The following RFFL variants were observed in gnomAD, a reference collection of about 807,000 sequenced individuals.
RFFL encodes the protein ring finger and FYVE like domain containing E3 ubiquitin protein ligase.
RFFL carries 16 observed loss-of-function variants against 40.4 expected under a neutral mutation model. The ratio of observed to expected loss-of-function variants is 0.40; its 90% CI spans 0.27 to 0.60. The LOEUF (loss-of-function observed/expected upper bound fraction) is 0.60. RFFL is among the 20% of genes least tolerant of loss of function. The pLI is 0.47. For synonymous variants in RFFL, 154 were observed against 167.9 expected, an observed-to-expected ratio of 0.92 and a Z score of 0.64; for missense variants, 367 against 451.7, an observed-to-expected ratio of 0.81 and a Z score of 1.70.
chr17:35,028,342 CAA>C (rs778044316), intron 1 of RFFL, among the ~76,000 whole-genome samples: 12 of 135,610 alleles, frequency 8.8e-5, no homozygotes, highest in African/African-American at 8.2e-5. Flanking sequence ...GACCTTGTCT[CAA>C]AAAAAAAAAA....
chr17:35,041,910 G>T (rs1169701332), intron 1 of RFFL, among the ~76,000 whole-genome samples: 1 of 152,122 alleles, frequency 6.6e-6, no homozygotes, highest in African/African-American at 2.4e-5. Flanking sequence ...AGCTACTCAG[G>T]AGGCTAAGGG....
chr17:35,021,606 G>A lies in RFFL; in HGVS notation c.356C>T (p.Ser119Phe). 6.2e-7 allele frequency: 1 copy of A among 1,614,232 alleles called. No homozygotes were observed. The highest frequency in any genetic ancestry group is 8.5e-7 in the Non-Finnish European group (1 of 1,180,038). ...LRDYLSLHDISTEMCREKEEL... is the reference protein window; with the variant it reads ...LRDYLSLHDIFTEMCREKEEL... ...TTCTTTCTCCCGGCACATTTCGGTA[G>A]AGATGTCATGGAGGCTGAGATAGTC... is the stretch of plus-strand genomic sequence containing the variant. Residue 119 changes from serine to phenylalanine, a missense_variant, in exon 3 of 7, where the codon TCT (serine) becomes TTT (phenylalanine). Physicochemically the swap from Ser to Phe is radical, Grantham distance 155 (BLOSUM62 -2). Transcript: ENST00000394597.
At chr17:35,055,467 G>A (rs767741308) in intron 1 of RFFL, among the ~76,000 whole-genome samples, 35 of 152,042 alleles carry the variant, frequency 2.3e-4, no homozygotes, top group Non-Finnish European at 4.1e-4. Flanking sequence ...GAGGTCAGGA[G>A]TTTGAGACCA....
chr17:35,070,470 G>A (rs867673452), intron 1 of RFFL, among the ~76,000 whole-genome samples: 3 of 152,084 alleles, frequency 2.0e-5, no homozygotes, highest in Admixed American at 6.6e-5. Context: ...TAAGTTAATC[G>A]TATTAGAAAT....
rs996266940 is a variant in RFFL at position 35,077,376 on chromosome 17, G to A, written c.-9+11729C>T. Among the ~76,000 whole-genome samples the A allele has an allele frequency of 4.6e-5, 7 of 152,258 alleles. No homozygotes were observed. The East Asian group carries it at 7.7e-4, about 17-fold the overall frequency. On this transcript the variant is annotated intron_variant, in intron 1 of 6. Transcript: ENST00000315249. ...GTCAGACTGCTGGAGGCCCATTCACGTCAAGATAAAACACAGAAAATCACA... is the reference window on the plus strand; with the variant it reads ...GTCAGACTGCTGGAGGCCCATTCACATCAAGATAAAACACAGAAAATCACA...
At chr17:35,029,923 T>G (rs1239820536) in intron 1 of RFFL, among the ~76,000 whole-genome samples, 1 of 149,128 alleles carries the variant, frequency 6.7e-6, no homozygotes, top group Non-Finnish European at 1.5e-5. Flanking sequence ...TTCCCACCTA[T>G]GAGCGAGAAC....
chr17:35,053,029 G>C (rs1057044718), intron 1 of RFFL, among the ~76,000 whole-genome samples: 2 of 152,202 alleles, frequency 1.3e-5, no homozygotes, highest in African/African-American at 4.8e-5. Flanking sequence ...GCAATAGCTA[G>C]TGATCCAGAG....
At chr17:35,022,464 C>T (rs1279888954) in intron 2 of RFFL, among the ~76,000 whole-genome samples, 3 of 152,132 alleles carry the variant, frequency 2.0e-5, no homozygotes, top group South Asian at 2.1e-4. Flanking sequence ...ATTCTCAAAG[C>T]GACATTGCAA....
At chr17:35,014,686 G>A in intron 6 of RFFL, 54 bp downstream of exon 6, 1 of 1,530,620 alleles carries the variant, frequency 6.5e-7, no homozygotes, top group Admixed American at 1.7e-5. Flanking sequence ...GGGGTTGAAG[G>A]AGGGGAAGGA....
At position 35,012,031 on chromosome 17, in the gene RFFL, G is replaced by A; in HGVS notation, c.1029C>T (p.Arg343=). Residue 343 remains arginine, a synonymous_variant, in exon 7 of 7, where the codon CGC becomes CGT. Transcript: ENST00000394597. ...HMVTCTKCGK[R]MNECPICRQY... is the part of the protein sequence containing the mutation. Reference sequence around the variant, plus strand: ...GCCGGCAGATGGGACATTCATTCATGCGCTTGCCACACTTGGTACAGGTTA... The same window carrying A: ...GCCGGCAGATGGGACATTCATTCATACGCTTGCCACACTTGGTACAGGTTA... 6.2e-7 allele frequency: 1 copy of A among 1,614,200 alleles called. No homozygotes were observed. Among genetic ancestry groups the A allele is most frequent in the Non-Finnish European group, 8.5e-7 (1 of 1,180,044 alleles).
At chr17:35,066,714 T>G (rs2091322474), upstream of RFFL, among the ~76,000 whole-genome samples, 1 of 152,208 alleles carries the variant, frequency 6.6e-6, no homozygotes, top group South Asian at 2.1e-4. Context: ...CATTTCTTGT[T>G]TTTAACAAAA....
chr17:35,008,520 C>A lies in RFFL; in HGVS notation c.*3448G>T, dbSNP rs1225392625. 1 of 152,034 alleles carries A rather than the reference C, an allele frequency of 6.6e-6. No homozygotes were observed. The highest frequency in any genetic ancestry group is 1.9e-4 in the East Asian group (1 of 5,188). The allele number at this position is 152,034 out of a possible 1,614,324, so 9.4% of individuals were successfully genotyped here. On this transcript the variant is annotated 3_prime_UTR_variant, in exon 7 of 7. Transcript: ENST00000394597. Reference sequence around the variant, plus strand: ...GATCAGAGCTCACTGCAGCTTCAATCTCCTGGCTCAAGTGATCCTCCCACC... The same window carrying A: ...GATCAGAGCTCACTGCAGCTTCAATATCCTGGCTCAAGTGATCCTCCCACC...
chr17:35,066,077 T>G (rs575375013), upstream of RFFL, among the ~76,000 whole-genome samples: 1 of 152,240 alleles, frequency 6.6e-6, no homozygotes, highest in Admixed American at 6.5e-5. Flanking sequence ...GAGCCGAGAT[T>G]GCGCCACTGC....
Position 35,009,932 on chromosome 17 carries a change from A to G in RFFL, c.*2036T>C, listed in dbSNP as rs2090925341. ...TGCTAATTGGTAGGCATTGTAAACT[A>G]TAGTATTTACTGCCCATGACAAAAG... On this transcript the variant is annotated 3_prime_UTR_variant, in exon 7 of 7. Transcript: ENST00000394597. 6.6e-6 allele frequency: 1 copy of G among 152,654 alleles called. No individual in the cohort carries two copies. Among genetic ancestry groups the G allele is most frequent in the African/African-American group, 2.4e-5 (1 of 41,452 alleles). 9.5% of individuals were successfully genotyped at this position (152,654 alleles called of 1,614,324 possible).
chr17:35,041,115 C>A (rs1222042076), intron 1 of RFFL, among the ~76,000 whole-genome samples: 1 of 152,006 alleles, frequency 6.6e-6, no homozygotes, highest in Admixed American at 6.6e-5. Context: ...TTATTAACTG[C>A]TTTCCCTAAC....
chr17:35,012,170 GA>G (rs775077094), intron 6 of RFFL, 21 bp from the exon 7 acceptor site: 8 of 1,600,324 alleles, frequency 5.0e-6, no homozygotes, highest in Admixed American at 3.5e-5. Flanking sequence ...ACACAGGGCA[GA>G]AAAAAAGGGG....
chr17:35,020,291 G>A (rs1454263874), intron 3 of RFFL, among the ~76,000 whole-genome samples: 1 of 151,946 alleles, frequency 6.6e-6, no homozygotes, highest in South Asian at 2.1e-4. Context: ...ACTGGTACTG[G>A]TCCATGGCTT....
intron 3 of RFFL, among the ~76,000 whole-genome samples, chr17:35,019,413 T>A (rs2090994345): frequency 6.6e-6 from 1 of 152,160 alleles, no homozygotes; most frequent in Non-Finnish European, 1.5e-5. Context: ...AGGATCTCAC[T>A]CTGTTGCCCA....
intron 1 of RFFL, among the ~76,000 whole-genome samples, chr17:35,052,484 G>C (rs2091237350): frequency 6.6e-6 from 1 of 152,032 alleles, no homozygotes; most frequent in Non-Finnish European, 1.5e-5. Context: ...GAGAGAATGA[G>C]GCAAAATCTG....
Sources: gnomAD v4.1 joint callset for allele counts (sites outside exome capture counted in the v4.1 genomes callset) on GRCh38, gnomAD v4.1.1 for gene constraint, MANE v1.5 for transcripts, NCBI Gene and HGNC (gene_info 2026-07-23, HGNC 2026-07-21) for gene names.